The following HEMK1 variants were observed in gnomAD, a reference collection of about 807,000 sequenced individuals.
The protein encoded by HEMK1 is HemK methyltransferase 1, mitochondrial release factors N(5)-glutamine.
Under a neutral mutation model 47.9 loss-of-function variants are expected in HEMK1, and 36 were observed. That is an observed-to-expected ratio of 0.75 (90% CI 0.58 to 0.99). The LOEUF is 0.99. HEMK1 is among the 50% of genes least tolerant of loss of function. The pLI, the probability that HEMK1 is intolerant of heterozygous loss-of-function variation, is 0.00. For missense variants in HEMK1, 383 were observed against 434.5 expected (o/e 0.88, Z 1.05); for synonymous variants, 153 against 165.4 (o/e 0.93, Z 0.57).
At position 50,593,087 on chromosome 3, in the gene HEMK1, G is replaced by C. The variant is rs2031806670; in HGVS notation, c.*12670G>C. On this transcript the variant is annotated 3_prime_UTR_variant, in exon 11 of 11. Transcript: ENST00000232854. ...GCTCTTCCCTTCCACTTGGTCTTGA[G>C]GAGGGGCCAGAGAGGCTGCCTTTAC... is the stretch of plus-strand genomic sequence containing the variant. 6.6e-6 allele frequency: 1 copy of C among 152,134 alleles called. No individual in the cohort carries two copies. Among genetic ancestry groups the C allele is most frequent in the South Asian group, 2.1e-4 (1 of 4,828 alleles). 9.4% of individuals were successfully genotyped at this position (152,134 alleles called of 1,614,324 possible). A position where few individuals can be genotyped will look rare whatever the true frequency, so the allele number is the denominator to read the frequency against.
chr3:50,571,902 C>T (rs1701009209), intron 3 of HEMK1, 101 bp downstream of exon 3: 10 of 1,350,614 alleles, frequency 7.4e-6, no homozygotes, highest in Non-Finnish European at 9.4e-6. Context: ...TGTCCAAGGA[C>T]TAGGGAGGTG....
At chr3:50,578,973 T>C in intron 8 of HEMK1, 47 bp downstream of exon 8, 1 of 1,414,884 alleles carries the variant, frequency 7.1e-7, no homozygotes, top group Non-Finnish European at 9.9e-7. Context: ...AAAGGCCTGA[T>C]GGGATTAGTC....
chr3:50,577,625 T>G (rs1344879995), intron 6 of HEMK1, 52 bp downstream of exon 6: 1 of 1,554,466 alleles, frequency 6.4e-7, no homozygotes, highest in Non-Finnish European at 8.9e-7. Context: ...TTTTCAGGTT[T>G]CAAACTCACC....
rs2031518011 is a variant in HEMK1 at position 50,588,358 on chromosome 3, G to C, written c.*7941G>C. 1 of 152,244 alleles carries C rather than the reference G, an allele frequency of 6.6e-6. No individual in the cohort carries two copies. The highest frequency in any genetic ancestry group is 1.5e-5 in the Non-Finnish European group (1 of 68,064). The allele number at this position is 152,244 out of a possible 1,614,324, so 9.4% of individuals were successfully genotyped here. A position where few individuals can be genotyped will look rare whatever the true frequency, so the allele number is the denominator to read the frequency against. Reference sequence around the variant, plus strand: ...ACACAGCCAGCAGCTGGCCATGCTGGAGTTTGAACCTAGTCCTCTGACATC... The same window carrying C: ...ACACAGCCAGCAGCTGGCCATGCTGCAGTTTGAACCTAGTCCTCTGACATC... On this transcript the variant is annotated 3_prime_UTR_variant, in exon 11 of 11. Coordinates refer to ENST00000232854, the MANE Select transcript of HEMK1 (RefSeq NM_016173.5).
chr3:50,573,556 T>C, intron 4 of HEMK1, among the ~76,000 whole-genome samples: 1 of 152,054 alleles, frequency 6.6e-6, no homozygotes, highest in Non-Finnish European at 1.5e-5. Context: ...CTTGGATGGG[T>C]CTGGGCCAAG....
chr3:50,578,972 A>G, intron 8 of HEMK1, 46 bp downstream of exon 8: 1 of 1,410,784 alleles, frequency 7.1e-7, no homozygotes, highest in Non-Finnish European at 9.9e-7. Flanking sequence ...AAAAGGCCTG[A>G]TGGGATTAGT....
chr3:50,571,410 C>T, intron 2 of HEMK1, 78 bp downstream of exon 2: 1 of 1,098,112 alleles, frequency 9.1e-7, no homozygotes, highest in Non-Finnish European at 1.3e-6. Flanking sequence ...GTTTTCTGTT[C>T]ACTAAGAGTG....
At position 50,589,966 on chromosome 3, in the gene HEMK1, A is replaced by G. The variant is rs1356459928; in HGVS notation, c.*9549A>G. On this transcript the variant is annotated 3_prime_UTR_variant, in exon 11 of 11. Coordinates refer to ENST00000232854, the MANE Select transcript of HEMK1 (RefSeq NM_016173.5). ...ATCCCAGCACTTTGGGAGGCCAAGG[A>G]TCACAAGGTTAGGAGTTCAAGACCA... is the stretch of plus-strand genomic sequence containing the variant. 1 of 151,230 alleles carries G rather than the reference A, an allele frequency of 6.6e-6. No homozygotes were observed. The highest frequency in any genetic ancestry group is 1.5e-5 in the Non-Finnish European group (1 of 67,838). The allele number at this position is 151,230 out of a possible 1,614,324, so 9.4% of individuals were successfully genotyped here. A position where few individuals can be genotyped will look rare whatever the true frequency, so the allele number is the denominator to read the frequency against.
rs2031484171 is a variant in HEMK1, at chr3:50,587,775, G to A, written c.*7358G>A. On this transcript the variant is annotated 3_prime_UTR_variant, in exon 11 of 11. Coordinates refer to ENST00000232854, the MANE Select transcript of HEMK1 (RefSeq NM_016173.5). This position sits in a 1 kb window ranked among gnomAD's most constrained non-coding sequence, Gnocchi z 4.2. Reference sequence around the variant, plus strand: ...AGAGCTTTTTGAGCTGAGTTACAGGGTTAGAGAAGCATTGAGGCTGCTCTT... The same window carrying A: ...AGAGCTTTTTGAGCTGAGTTACAGGATTAGAGAAGCATTGAGGCTGCTCTT... 6.6e-6 allele frequency: 1 copy of A among 152,388 alleles called. No homozygotes were observed. Among genetic ancestry groups the A allele is most frequent in the South Asian group, 2.1e-4 (1 of 4,834 alleles). 9.4% of individuals were successfully genotyped at this position (152,388 alleles called of 1,614,324 possible). A position where few individuals can be genotyped will look rare whatever the true frequency, so the allele number is the denominator to read the frequency against.
Position 50,579,859 on chromosome 3 carries a change from G to A in HEMK1, c.786G>A (p.Ala262=), listed in dbSNP as rs530213223. The A allele has an allele frequency of 9.3e-6, 15 of 1,613,446 alleles. No homozygotes were observed. The highest frequency in any genetic ancestry group is 1.3e-5 in the African/African-American group (1 of 74,868). The change falls in exon 9 of 11, where the codon GCG becomes GCA. Residue 262 remains alanine (A), a synonymous_variant. Transcript: ENST00000232854. ...TGCCTTTCAGCTATGAAGACCCCGCGGCCCTGGATGGTGGGGAGGAGGGCA... is the reference window on the plus strand; with the variant it reads ...TGCCTTTCAGCTATGAAGACCCCGCAGCCCTGGATGGTGGGGAGGAGGGCA... The part of the protein sequence containing the change: ...APEIRSYEDP[A]ALDGGEEGMD...
rs1316836429 is a variant in HEMK1, at chr3:50,588,127, T to C, written c.*7710T>C. 1 of 152,208 alleles carries C rather than the reference T, an allele frequency of 6.6e-6. No individual in the cohort carries two copies. Among genetic ancestry groups the C allele is most frequent in the African/African-American group, 2.4e-5 (1 of 41,404 alleles). The allele number at this position is 152,208 out of a possible 1,614,324, so 9.4% of individuals were successfully genotyped here. On this transcript the variant is annotated 3_prime_UTR_variant, in exon 11 of 11. Transcript: ENST00000232854. ...CAAATGTGACCATGTGGGGACACAG[T>C]CCAAAGGCAACCCTTGAGGTAGAGT... is the stretch of plus-strand genomic sequence containing the variant.
rs758461384 is a variant in HEMK1, at chr3:50,578,957, G to A, written c.770+31G>A. 4.0e-6 allele frequency: 6 copies of A among 1,488,954 alleles called. No individual in the cohort carries two copies. The Admixed American group carries it at 1.1e-4, about 27-fold the overall frequency. 92.2% of individuals were successfully genotyped at this position (1,488,954 alleles called of 1,614,324 possible). A position where few individuals can be genotyped will look rare whatever the true frequency, so the allele number is the denominator to read the frequency against. On this transcript the variant is annotated intron_variant, in intron 8 of 10. Transcript: ENST00000232854. ...AAGCAGGGTGGGCCAGGGAGGCCAG[G>A]CCTGAAAAGGCCTGATGGGATTAGT...
rs563778776 is a variant in HEMK1, at chr3:50,580,873, G to C, written c.*456G>C. 1 of 196,476 alleles carries C rather than the reference G, an allele frequency of 5.1e-6. No homozygotes were observed. Among genetic ancestry groups the C allele is most frequent in the African/African-American group, 2.4e-5 (1 of 42,508 alleles). 12.2% of individuals were successfully genotyped at this position (196,476 alleles called of 1,614,324 possible). A position where few individuals can be genotyped will look rare whatever the true frequency, so the allele number is the denominator to read the frequency against. On this transcript the variant is annotated 3_prime_UTR_variant, in exon 11 of 11. Coordinates refer to ENST00000232854, the MANE Select transcript of HEMK1 (RefSeq NM_016173.5). ...CTTGGATACCATGGGTCCTGGCATAGAGCAGCTCACTCCCAGGGATTGATT... is the reference window on the plus strand; with the variant it reads ...CTTGGATACCATGGGTCCTGGCATACAGCAGCTCACTCCCAGGGATTGATT...
intron 4 of HEMK1, among the ~76,000 whole-genome samples, chr3:50,572,849 G>A (rs1197864881): frequency 2.6e-5 from 4 of 152,218 alleles, no homozygotes; most frequent in African/African-American, 4.8e-5. Context: ...GGCCCTTCTT[G>A]GACTCCCCTC....
chr3:50,595,577 G>A lies in HEMK1; in HGVS notation c.*15160G>A, dbSNP rs1466429015. On this transcript the variant is annotated 3_prime_UTR_variant, in exon 11 of 11. Coordinates refer to ENST00000232854, the MANE Select transcript of HEMK1 (RefSeq NM_016173.5). ...GGGAGATACTACCTCTATCTTCTAA[G>A]GTTACTCACTATAATAATCACCCTT... 6.6e-6 allele frequency: 1 copy of A among 152,174 alleles called. No homozygotes were observed. Among genetic ancestry groups the A allele is most frequent in the Non-Finnish European group, 1.5e-5 (1 of 68,030 alleles). The allele number at this position is 152,174 out of a possible 1,614,324, so 9.4% of individuals were successfully genotyped here. A position where few individuals can be genotyped will look rare whatever the true frequency, so the allele number is the denominator to read the frequency against.
chr3:50,575,064 G>T (rs902810767), intron 4 of HEMK1, among the ~76,000 whole-genome samples: 5 of 152,160 alleles, frequency 3.3e-5, no homozygotes, highest in African/African-American at 1.2e-4. Flanking sequence ...ATTGGGGTGT[G>T]GGGGAGACCT....
At chr3:50,572,005 G>A in intron 3 of HEMK1, 110 bp from the exon 4 acceptor site, 5 of 1,540,346 alleles carry the variant, frequency 3.2e-6, no homozygotes, top group Non-Finnish European at 4.4e-6. Flanking sequence ...CAAGGCCCTG[G>A]AGACATGGTC....
At chr3:50,576,507 C>G (rs571602096) in intron 4 of HEMK1, among the ~76,000 whole-genome samples, 1 of 152,224 alleles carries the variant, frequency 6.6e-6, no homozygotes, top group Non-Finnish European at 1.5e-5. Flanking sequence ...TCAAGCAATT[C>G]TCCCTCTCAC....
Position 50,571,204 on chromosome 3 carries a change from C to T in HEMK1, c.100C>T (p.Pro34Ser), listed in dbSNP as rs187889069. ...WAFSSWQPQPPLAGLSSAIEL... is the reference protein window; with the variant it reads ...WAFSSWQPQPSLAGLSSAIEL... ...CTTCAGCTCATGGCAACCCCAACCA[C>T]CTCTGGCTGGGTTATCCAGTGCCAT... is the stretch of plus-strand genomic sequence containing the variant. The change falls in exon 2 of 11, where the codon CCT becomes TCT. Residue 34 changes from proline (P) to serine (S), a missense_variant. Transcript: ENST00000232854. 6.2e-7 allele frequency: 1 copy of T among 1,613,794 alleles called. No individual in the cohort carries two copies. Among genetic ancestry groups the T allele is most frequent in the East Asian group, 2.2e-5 (1 of 44,870 alleles).
Sources: allele counts gnomAD v4.1 joint callset (sites outside exome capture counted in the v4.1 genomes callset), GRCh38; gene constraint gnomAD v4.1.1; non-coding constraint Gnocchi (gnomAD v3.1); transcripts MANE v1.5; gene names NCBI Gene and HGNC (gene_info 2026-07-23, HGNC 2026-07-21).